Variants in EXO1 observed in about 807,000 individuals in gnomAD.
EXO1 encodes exonuclease 1.
In EXO1, 69 loss-of-function variants were observed where a neutral mutation model predicts 84.5. The observed-to-expected ratio is 0.82, with a 90% CI of 0.67 to 1.00. The LOEUF is 1.00. Ranked by LOEUF, EXO1 falls within the 50% of genes least tolerant of loss-of-function variation. EXO1 has a pLI of 0.00. For missense variants in EXO1, 1,045 were observed against 1,000.7 expected (o/e 1.04, Z -0.60); for synonymous variants, 373 against 366.1 (o/e 1.02, Z -0.21).
intron 12 of EXO1, among the ~76,000 whole-genome samples, chr1:241,875,750 C>G (rs1188078373): frequency 6.6e-6 from 1 of 152,220 alleles, no homozygotes; most frequent in Non-Finnish European, 1.5e-5. Flanking sequence ...TGGTGGCGGG[C>G]GCTAGTAGTC....
At position 241,882,968 on chromosome 1, in the gene EXO1, A is replaced by G. The variant is rs114969486; in HGVS notation, c.2211+951A>G. Among the ~76,000 whole-genome samples, 466 of 152,332 alleles carry G rather than the reference A, an allele frequency of 3.1e-3. 3 individuals are homozygous for G. Among genetic ancestry groups the G allele is most frequent in the African/African-American group, 0.011 (437 of 41,594 alleles). ...TAGCCTAAGGAAACATTGAGAATTT[A>G]AATACAAGAATACTTAATACTGCAT... On this transcript the variant is annotated intron_variant, in intron 14 of 15. Coordinates refer to ENST00000366548, the MANE Select transcript of EXO1 (RefSeq NM_130398.4).
In EXO1 at chr1:241,879,092, A is replaced by G; in HGVS notation, c.1858A>G (p.Arg620Gly). Residue 620 changes from arginine (R) to glycine (G), a missense_variant, in exon 13 of 16, where the codon AGA becomes GGA. Physicochemically the swap from Arg to Gly is moderately radical, Grantham distance 125 (BLOSUM62 -2). Transcript: ENST00000366548. Reference sequence around the variant, plus strand: ...GTCTGGAGGTCTTGGAGATTTTTCAAGAACGCCGAGCCCCTCTCCAAGCAC... The same window carrying G: ...GTCTGGAGGTCTTGGAGATTTTTCAGGAACGCCGAGCCCCTCTCCAAGCAC... ...SWSGGLGDFS[R>G]TPSPSPSTAL... 4 of 1,614,092 alleles carry G rather than the reference A, an allele frequency of 2.5e-6. No homozygotes were observed. The highest frequency in any genetic ancestry group is 1.1e-5 in the South Asian group (1 of 91,088).
intron 12 of EXO1, among the ~76,000 whole-genome samples, chr1:241,875,054 A>T (rs1163092965): frequency 1.3e-5 from 2 of 152,064 alleles, no homozygotes; most frequent in African/African-American, 4.8e-5. Context: ...CCCAGGCTGG[A>T]GTACAGTGGC....
intron 6 of EXO1, among the ~76,000 whole-genome samples, chr1:241,856,078 G>A (rs944667091): frequency 3.6e-4 from 55 of 152,370 alleles, no homozygotes; most frequent in Non-Finnish European, 6.3e-4. Flanking sequence ...GGGAGCCCAG[G>A]CAGAGGAGGC....
chr1:241,862,598 C>CT (rs1661465624), intron 10 of EXO1, among the ~76,000 whole-genome samples: 2 of 152,310 alleles, frequency 1.3e-5, no homozygotes, highest in East Asian at 3.9e-4. Context: ...GTATAACATG[C>CT]TTCTATTCTT....
chr1:241,864,289 A>G (rs1344592185), intron 10 of EXO1, among the ~76,000 whole-genome samples: 1 of 152,232 alleles, frequency 6.6e-6, no homozygotes, highest in Non-Finnish European at 1.5e-5. Context: ...ATGTCTGCTT[A>G]GGGTATCTAA....
chr1:241,877,473 C>T (rs1635501), intron 12 of EXO1, among the ~76,000 whole-genome samples: 82,135 of 151,858 alleles, frequency 0.54, 22,658 homozygotes, highest in East Asian at 0.8. Flanking sequence ...TTTTCTTCCA[C>T]GTACTGCTTC....
intron 11 of EXO1, among the ~76,000 whole-genome samples, chr1:241,870,363 C>T (rs1371524675): frequency 1.3e-5 from 2 of 152,182 alleles, no homozygotes; most frequent in Non-Finnish European, 2.9e-5. Context: ...CATTGTGACA[C>T]TCCTAAATTT....
In EXO1 at chr1:241,850,541, C is replaced by A; in HGVS notation, c.116C>A (p.Ala39Asp). ...ACATATTGCTGGCTTCACAAAGGAGCTATTGCTTGTGCTGAAAAACTAGCC... is the reference window on the plus strand; with the variant it reads ...ACATATTGCTGGCTTCACAAAGGAGATATTGCTTGTGCTGAAAAACTAGCC... Reference protein sequence around the residue: ...VDTYCWLHKGAIACAEKLAKG... With the variant: ...VDTYCWLHKGDIACAEKLAKG... Residue 39 changes from alanine (A) to aspartate (D), a missense_variant, in exon 4 of 16, where the codon GCT (alanine) becomes GAT (aspartate). By Grantham distance (126) the Ala-to-Asp change is moderately radical (BLOSUM62 -2). Coordinates refer to ENST00000366548, the MANE Select transcript of EXO1 (RefSeq NM_130398.4). 3 of 1,613,980 alleles carry A rather than the reference C, an allele frequency of 1.9e-6. No homozygotes were observed. Among genetic ancestry groups the A allele is most frequent in the Non-Finnish European group, 2.5e-6 (3 of 1,179,910 alleles).
In EXO1 at chr1:241,882,069, C is replaced by T. The variant is rs1408149538; in HGVS notation, c.2211+52C>T. 5.9e-6 allele frequency: 5 copies of T among 846,132 alleles called. No individual in the cohort carries two copies. The East Asian group carries it at 1.3e-4, about 22-fold the overall frequency. The allele number at this position is 846,132 out of a possible 1,614,324, so 52.4% of individuals were successfully genotyped here. ...TAATTTCAGAAGCGGTGTATGCTTA[C>T]AACTAGAAAATGAGAAATACAAGCA... On this transcript the variant is annotated intron_variant, in intron 14 of 15. Transcript: ENST00000366548.
intron 13 of EXO1, 105 bp from the exon 14 acceptor site, chr1:241,881,811 C>T (rs1190351074): frequency 8.0e-6 from 5 of 627,122 alleles, no homozygotes; most frequent in South Asian, 4.1e-5. Context: ...TAATTCTATC[C>T]CATGTTCTTA....
rs1660657557 is a variant in EXO1 at position 241,851,277 on chromosome 1, A to G, written c.161+691A>G. Among the ~76,000 whole-genome samples, 3 of 152,176 alleles carry G rather than the reference A, an allele frequency of 2.0e-5. 1 individual carries two copies. In the South Asian group the frequency reaches 6.2e-4, roughly 32 times the overall value. On this transcript the variant is annotated intron_variant, in intron 4 of 15. Coordinates refer to ENST00000366548, the MANE Select transcript of EXO1 (RefSeq NM_130398.4). ...GTTGTAAAATTCATTATAATTTCAT[A>G]TTTGCTTTCTCCTGAATTTTGCTTT...
At chr1:241,882,937 G>T (rs780310622) in intron 14 of EXO1, among the ~76,000 whole-genome samples, 6 of 152,028 alleles carry the variant, frequency 3.9e-5, no homozygotes, top group Non-Finnish European at 7.4e-5. Context: ...GTGCATTCTA[G>T]AACTTTAGCC....
At chr1:241,848,072 C>A (rs1222815704), upstream of EXO1, 1 of 152,300 alleles carries the variant, frequency 6.6e-6, no homozygotes, top group Non-Finnish European at 1.5e-5. The surrounding 1 kb of genome is among the most constrained non-coding windows in gnomAD (Gnocchi z 4.2). Flanking sequence ...GCTGTCTACC[C>A]AGCGAGACGG....
At chr1:241,868,537 G>A (rs1776174) in intron 11 of EXO1, among the ~76,000 whole-genome samples, 2 of 151,898 alleles carry the variant, frequency 1.3e-5, no homozygotes, top group African/African-American at 2.4e-5. Flanking sequence ...ATGTGGTGAC[G>A]TGTGTCTGTA....
intron 4 of EXO1, among the ~76,000 whole-genome samples, chr1:241,851,738 C>G (rs1471829408): frequency 6.6e-6 from 1 of 152,146 alleles, no homozygotes; most frequent in African/African-American, 2.4e-5. Context: ...AAATATTTAT[C>G]TCAGGGAAAT....
intron 6 of EXO1, chr1:241,854,798 T>G (rs998990769): frequency 6.4e-6 from 1 of 155,710 alleles, no homozygotes; most frequent in African/African-American, 2.4e-5. Flanking sequence ...GTTACAGCTC[T>G]TAAGGTGGCG....
intron 12 of EXO1, among the ~76,000 whole-genome samples, chr1:241,877,153 G>A (rs1393405690): frequency 6.6e-6 from 1 of 152,168 alleles, no homozygotes; most frequent in African/African-American, 2.4e-5. Flanking sequence ...TTTTTATTAT[G>A]TAGGTAGTTA....
intron 13 of EXO1, among the ~76,000 whole-genome samples, chr1:241,881,336 T>G (rs998547491): frequency 6.6e-6 from 1 of 152,058 alleles, no homozygotes; most frequent in Admixed American, 6.6e-5. Flanking sequence ...CTGGCCTTAC[T>G]GTCCTCTTTT....
Sources: gnomAD v4.1 joint callset for allele counts (sites outside exome capture counted in the v4.1 genomes callset) on GRCh38, gnomAD v4.1.1 for gene constraint, Gnocchi (gnomAD v3.1) non-coding constraint, MANE v1.5 for transcripts, NCBI Gene and HGNC (gene_info 2026-07-23, HGNC 2026-07-21) for gene names.